CDYL: variants seen among roughly 807,000 people sequenced by gnomAD.
The protein encoded by CDYL is chromodomain Y-like protein.
CDYL carries 8 observed loss-of-function variants against 47.3 expected under a neutral mutation model. The ratio of observed to expected loss-of-function variants is 0.17; its 90% CI spans 0.10 to 0.31. CDYL has a LOEUF of 0.31. CDYL is among the 10% of genes least tolerant of loss of function. The pLI is 1.00. For missense variants in CDYL, 471 were observed against 701.4 expected (o/e 0.67, Z 3.71); for synonymous variants, 266 against 265.0 (o/e 1.00, Z -0.04).
intron 5 of CDYL, among the ~76,000 whole-genome samples, chr6:4,944,002 T>TACCCAATCAGTAACCCAACCAA: frequency 6.6e-6 from 1 of 152,292 alleles, no homozygotes; most frequent in Non-Finnish European, 1.5e-5. Flanking sequence ...TGTTAGTAAA[T>TACCCAATCAGTAACCCAACCAA]ACCCAATCAG....
intron 1 of CDYL, among the ~76,000 whole-genome samples, chr6:4,888,335 A>T (rs766796106): frequency 6.6e-6 from 1 of 152,124 alleles, no homozygotes; most frequent in Non-Finnish European, 1.5e-5. Context: ...GATCAGTCTT[A>T]TATAGGCCTG....
At chr6:4,744,460 C>T (rs932551442) in intron 3 of CDYL, among the ~76,000 whole-genome samples, 2 of 151,480 alleles carry the variant, frequency 1.3e-5, no homozygotes, top group South Asian at 2.1e-4. Context: ...GAACCCACTG[C>T]ACTTCAGCCT....
intron 5 of CDYL, among the ~76,000 whole-genome samples, chr6:4,950,411 A>G (rs1240626509): frequency 6.6e-6 from 1 of 152,240 alleles, no homozygotes; most frequent in Non-Finnish European, 1.5e-5. Context: ...TGAGAATGAA[A>G]GAAGCACAGT....
intron 1 of CDYL, among the ~76,000 whole-genome samples, chr6:4,833,810 C>T (rs1174964576): frequency 6.6e-6 from 1 of 151,642 alleles, no homozygotes. Context: ...TTGAATTGAT[C>T]CCTTTACCAT....
intron 3 of CDYL, among the ~76,000 whole-genome samples, chr6:4,757,199 G>A (rs906803392): frequency 2.6e-5 from 4 of 152,156 alleles, no homozygotes; most frequent in African/African-American, 7.2e-5. Flanking sequence ...CCCAAACACA[G>A]GTCTGCAAGA....
At chr6:4,863,013 A>C (rs995194014) in intron 1 of CDYL, among the ~76,000 whole-genome samples, 1 of 152,254 alleles carries the variant, frequency 6.6e-6, no homozygotes, top group Non-Finnish European at 1.5e-5. Flanking sequence ...ATGGAATACT[A>C]TACCCCCATA....
chr6:4,759,803 CAG>C (rs1758141380), intron 3 of CDYL, among the ~76,000 whole-genome samples: 1 of 139,222 alleles, frequency 7.2e-6, no homozygotes, highest in Admixed American at 7.6e-5. Context: ...CGCTTGAACC[CAG>C]GAGGTGGAGG....
chr6:4,750,836 CTCTTTTCTTTTT>C (rs1167451458), intron 3 of CDYL, among the ~76,000 whole-genome samples: 2 of 150,662 alleles, frequency 1.3e-5, no homozygotes, highest in Non-Finnish European at 3.0e-5. Flanking sequence ...GAGCAAAATA[CTCTTTTCTTTTT>C]TCTTTTCTTT....
chr6:4,821,117 T>A (rs1759822204), intron 1 of CDYL, among the ~76,000 whole-genome samples: 1 of 152,184 alleles, frequency 6.6e-6, no homozygotes, highest in African/African-American at 2.4e-5. Context: ...TGCCTTTTCA[T>A]CTTTGTGGTT....
At position 4,921,199 on chromosome 6, in the gene CDYL, C is replaced by G. The variant is rs543666437; in HGVS notation, c.692-14316C>G. ...TGTTTTAAGCACAGGGCAGGAAGCA[C>G]CAACATAGGTGCCTAGTGCGTCACT... On this transcript the variant is annotated intron_variant, in intron 2 of 6. Coordinates refer to ENST00000397588, the MANE Select transcript of CDYL (RefSeq NM_004824.4). Among the ~76,000 whole-genome samples the G allele has an allele frequency of 2.0e-5, 3 of 152,228 alleles. No homozygotes were observed. The South Asian group carries it at 6.2e-4, about 32-fold the overall frequency.
At chr6:4,779,612 T>C (rs1263374508) in intron 1 of CDYL, among the ~76,000 whole-genome samples, 3 of 152,202 alleles carry the variant, frequency 2.0e-5, no homozygotes, top group Admixed American at 6.5e-5. Context: ...TTTGAAGAGT[T>C]ACTATTAGTT....
At position 4,940,259 on chromosome 6, in the gene CDYL, T is replaced by A. The variant is rs567661016; in HGVS notation, c.1121+2522T>A. On this transcript the variant is annotated intron_variant, in intron 4 of 6. Coordinates refer to ENST00000397588, the MANE Select transcript of CDYL (RefSeq NM_004824.4). ...GGAAAACCAACTTGTTTCTTCTTTA[T>A]GTGACTATATTTTTGTCAATGTGAA... Among the ~76,000 whole-genome samples, 109 of 152,382 alleles carry A rather than the reference T, an allele frequency of 7.2e-4. 4 individuals are homozygous for A. In the South Asian group the frequency reaches 0.022, roughly 31 times the overall value.
intron 3 of CDYL, among the ~76,000 whole-genome samples, chr6:4,745,166 C>T (rs772353281): frequency 1.3e-5 from 2 of 152,096 alleles, no homozygotes; most frequent in African/African-American, 4.8e-5. Context: ...CACTATGTGG[C>T]TCAGGCTGGT....
At chr6:4,869,222 A>G (rs1032227062) in intron 1 of CDYL, among the ~76,000 whole-genome samples, 5 of 151,870 alleles carry the variant, frequency 3.3e-5, no homozygotes, top group Non-Finnish European at 7.4e-5. Context: ...CGGCCTCCCA[A>G]GTAGCTGGGA....
In CDYL at chr6:4,892,367, G is replaced by C. The variant is rs747795630; in HGVS notation, c.679G>C (p.Val227Leu). The change falls in exon 2 of 7, where the codon GTT becomes CTT. Residue 227 changes from valine (V) to leucine (L), a missense_variant. Transcript: ENST00000397588. The stretch of plus-strand genomic sequence containing the variant: ...TGCAGCCATGGCCACAGGCTTAGCT[G>C]TTAACGGGAAAGGTGAGTGTCTAGG... The part of the protein sequence containing the change: ...VTAAMATGLA[V>L]NGKGTSPFMD... 6.2e-7 allele frequency: 1 copy of C among 1,608,440 alleles called. No individual in the cohort carries two copies. Among genetic ancestry groups the C allele is most frequent in the Non-Finnish European group, 8.5e-7 (1 of 1,176,786 alleles).
intron 2 of CDYL, among the ~76,000 whole-genome samples, chr6:4,896,610 C>T (rs777550698): frequency 1.3e-5 from 2 of 152,164 alleles, no homozygotes; most frequent in African/African-American, 2.4e-5. Context: ...AGAAAGCCCT[C>T]GTTCGCCCTC....
chr6:4,711,163 GGACCATGGCTAAGATTCTGTGGCCAT>G (rs1757146331), intron 1 of CDYL, among the ~76,000 whole-genome samples: 1 of 152,090 alleles, frequency 6.6e-6, no homozygotes, highest in African/African-American at 2.4e-5. Context: ...CTGAGAACAG[GGACCATGGCTAAGATTCTGTGGCCAT>G]GACCCTGGCC....
Position 4,818,631 on chromosome 6 carries a change from G to A in CDYL, c.24+41824G>A, listed in dbSNP as rs146478269. Among the ~76,000 whole-genome samples, 153 of 152,234 alleles carry A rather than the reference G, an allele frequency of 1.0e-3. 1 individual carries two copies. Among genetic ancestry groups the A allele is most frequent in the Non-Finnish European group, 1.2e-3 (85 of 68,014 alleles). ...TGGACATTTCTCTTGTGGGTGCCTTGTTTTCCTACTCATATTATGCTTATC... is the reference window on the plus strand; with the variant it reads ...TGGACATTTCTCTTGTGGGTGCCTTATTTTCCTACTCATATTATGCTTATC... On this transcript the variant is annotated intron_variant, in intron 1 of 6. Transcript: ENST00000397588.
chr6:4,823,502 A>G (rs1007794481), intron 1 of CDYL, among the ~76,000 whole-genome samples: 4 of 152,228 alleles, frequency 2.6e-5, no homozygotes, highest in Admixed American at 2.6e-4. Flanking sequence ...ATTTGCCATT[A>G]TAACAATTTT....
Sources: gnomAD v4.1 joint callset for allele counts (sites outside exome capture counted in the v4.1 genomes callset) on GRCh38, gnomAD v4.1.1 for gene constraint, MANE v1.5 for transcripts, NCBI Gene and HGNC (gene_info 2026-07-23, HGNC 2026-07-21) for gene names.